SLITRK3: variants seen among roughly 807,000 people sequenced by gnomAD.
SLITRK3 encodes SLIT and NTRK like family member 3.
A neutral mutation model predicts 63.6 loss-of-function variants in SLITRK3; 16 were observed. The observed-to-expected ratio is 0.25, with a 90% CI of 0.17 to 0.38. The LOEUF (loss-of-function observed/expected upper bound fraction) is 0.38, where lower values mean the gene tolerates loss of function less well. Among genes scored for constraint, SLITRK3 ranks in the 10% least tolerant of loss-of-function variants. The probability of loss-of-function intolerance (pLI) is 1.00; values close to 1 mark genes in which losing one functional copy is unlikely to be tolerated. For synonymous variants in SLITRK3, 547 were observed against 451.6 expected (o/e 1.21, Z -2.68); for missense variants, 1,117 against 1,181.4 (o/e 0.95, Z 0.80).
At chr3:165,191,821 G>A (rs1055692315) in intron 1 of SLITRK3, among the ~76,000 whole-genome samples, 1 of 152,172 alleles carries the variant, frequency 6.6e-6, no homozygotes, top group Non-Finnish European at 1.5e-5. Flanking sequence ...TTAAAGTCAA[G>A]AGAGAGTGGA....
At chr3:165,192,404 C>A (rs189853061) in intron 1 of SLITRK3, among the ~76,000 whole-genome samples, 2 of 152,250 alleles carry the variant, frequency 1.3e-5, no homozygotes, top group Non-Finnish European at 2.9e-5. Context: ...TTAAAATCTA[C>A]TTAAGTTCTT....
chr3:165,190,964 A>C (rs974794800), intron 1 of SLITRK3, 113 bp from the exon 2 acceptor site: 19 of 701,602 alleles, frequency 2.7e-5, no homozygotes, highest in Non-Finnish European at 4.1e-5. Context: ...GCAATTGTTG[A>C]AGTGACACTC....
Position 165,190,259 on chromosome 3 carries a change from T to C in SLITRK3, c.572A>G (p.Asn191Ser). The C allele has an allele frequency of 6.2e-7, 1 of 1,614,138 alleles. No individual in the cohort carries two copies. The highest frequency in any genetic ancestry group is 8.5e-7 in the Non-Finnish European group (1 of 1,180,038). Residue 191 changes from asparagine to serine, a missense_variant, in exon 2 of 2, where the codon AAT becomes AGT. Asn to Ser is a conservative substitution (Grantham distance 46). Coordinates refer to ENST00000475390, the MANE Select transcript of SLITRK3 (RefSeq NM_001318810.2). ...NDNLIPMLPTNLFKAVSLTHL... is the reference protein window; with the variant it reads ...NDNLIPMLPTSLFKAVSLTHL... ...GGTTAAAGAGACAGCCTTAAATAAATTGGTTGGAAGCATGGGGATGAGATT... is the reference window on the plus strand; with the variant it reads ...GGTTAAAGAGACAGCCTTAAATAAACTGGTTGGAAGCATGGGGATGAGATT...
chr3:165,190,786 C>A lies in SLITRK3; in HGVS notation c.45G>T (p.Leu15Phe). The A allele has an allele frequency of 3.1e-6, 5 of 1,610,460 alleles. 1 individual carries two copies. In the East Asian group the frequency reaches 1.1e-4, roughly 36 times the overall value. ...CAATTGTGCTTAGAAGAATTATCCACAACATCCTTCCTCTGTGAAGCATCT... is the reference window on the plus strand; with the variant it reads ...CAATTGTGCTTAGAAGAATTATCCAAAACATCCTTCCTCTGTGAAGCATCT... ...IAEMLHRGRM[L>F]WIILLSTIAL... The change falls in exon 2 of 2, where the codon TTG (leucine) becomes TTT (phenylalanine). Residue 15 changes from leucine (L) to phenylalanine (F), a missense_variant. Coordinates refer to ENST00000475390, the MANE Select transcript of SLITRK3 (RefSeq NM_001318810.2).
rs1718058736 is a variant in SLITRK3 at position 165,188,669 on chromosome 3, C to T, written c.2162G>A (p.Gly721Asp). 1 of 1,614,020 alleles carries T rather than the reference C, an allele frequency of 6.2e-7. No homozygotes were observed. The highest frequency in any genetic ancestry group is 8.5e-7 in the Non-Finnish European group (1 of 1,179,982). ...DGGGGGGGSGGGGRPTLSSPE... is the reference protein window; with the variant it reads ...DGGGGGGGSGDGGRPTLSSPE... ...AGAGGAAAGAGTTGGTCGACCACCACCCCCACTTCCGCCACCACCACCTCC... is the reference window on the plus strand; with the variant it reads ...AGAGGAAAGAGTTGGTCGACCACCATCCCCACTTCCGCCACCACCACCTCC... The change falls in exon 2 of 2, where the codon GGT (glycine) becomes GAT (aspartate). Residue 721 changes from glycine (G) to aspartate (D), a missense_variant. Physicochemically the swap from Gly to Asp is moderately conservative, Grantham distance 94. Around this residue, in one of 4 missense-constraint regions of SLITRK3, gnomAD observed 499 missense variants for 463.6 expected, o/e 1.08. Transcript: ENST00000475390.
intron 1 of SLITRK3, among the ~76,000 whole-genome samples, chr3:165,192,264 G>C (rs1396560276): frequency 6.6e-6 from 1 of 152,066 alleles, no homozygotes; most frequent in Admixed American, 6.5e-5. Context: ...AGGAGATACC[G>C]TGAGAAAGCA....
upstream of SLITRK3, chr3:165,196,723 C>T (rs1217550854): frequency 1.3e-5 from 2 of 152,302 alleles, no homozygotes; most frequent in Non-Finnish European, 2.9e-5. Context: ...GCTCGGGAGC[C>T]CCCAGATCAG....
chr3:165,192,663 T>TA (rs1718277435), intron 1 of SLITRK3, among the ~76,000 whole-genome samples: 1 of 145,116 alleles, frequency 6.9e-6, no homozygotes, highest in Non-Finnish European at 1.5e-5. Context: ...CAAAAGGGGA[T>TA]AAAGGGGGTT....
rs769603480 is a variant in SLITRK3 at position 165,189,162 on chromosome 3, T to C, written c.1669A>G (p.Ile557Val). Reference sequence around the variant, plus strand: ...TCCCAAGGATTCTCATTGAGGTCTATCTGGACAATGGCATTCAAGTGTTCC... The same window carrying C: ...TCCCAAGGATTCTCATTGAGGTCTACCTGGACAATGGCATTCAAGTGTTCC... ...VLEHLNAIVQIDLNENPWDCT... is the reference protein window; with the variant it reads ...VLEHLNAIVQVDLNENPWDCT... The change falls in exon 2 of 2, where the codon ATA (isoleucine) becomes GTA (valine). Residue 557 changes from isoleucine to valine, a missense_variant. By Grantham distance (29) the Ile-to-Val change is conservative. Coordinates refer to ENST00000475390, the MANE Select transcript of SLITRK3 (RefSeq NM_001318810.2). The surrounding 1 kb of genome is among the most constrained non-coding windows in gnomAD (Gnocchi z 4.0). 6.2e-7 allele frequency: 1 copy of C among 1,614,162 alleles called. No individual in the cohort carries two copies. Among genetic ancestry groups the C allele is most frequent in the South Asian group, 1.1e-5 (1 of 91,082 alleles).
Position 165,190,797 on chromosome 3 carries a change from C to T in SLITRK3, c.34G>A (p.Gly12Arg), listed in dbSNP as rs1361478048. Residue 12 changes from glycine to arginine, a missense_variant, in exon 2 of 2, where the codon GGA (glycine) becomes AGA (arginine). By Grantham distance (125) the Gly-to-Arg change is moderately radical (BLOSUM62 -2). Transcript: ENST00000475390. ...AGAAGAATTATCCACAACATCCTTC[C>T]TCTGTGAAGCATCTCAGCTATGGAA... ...KPSIAEMLHRGRMLWIILLST... is the reference protein window; with the variant it reads ...KPSIAEMLHRRRMLWIILLST... 4.4e-6 allele frequency: 7 copies of T among 1,604,044 alleles called. No individual in the cohort carries two copies. The South Asian group carries it at 6.7e-5, about 15-fold the overall frequency.
rs750913637 is a variant in SLITRK3 at position 165,189,360 on chromosome 3, C to A, written c.1471G>T (p.Val491Phe). The change falls in exon 2 of 2, where the codon GTC becomes TTC. Residue 491 changes from valine to phenylalanine, a missense_variant. Around this residue, in one of 4 missense-constraint regions of SLITRK3, gnomAD observed 158 missense variants for 197.2 expected, o/e 0.80. Transcript: ENST00000475390. This position sits in a 1 kb window ranked among gnomAD's most constrained non-coding sequence, Gnocchi z 4.0. The part of the protein sequence containing the change: ...SLHYLYFEFN[V>F]IREIQPAAFS... The stretch of plus-strand genomic sequence containing the variant: ...GCTGCAGGCTGGATTTCCCGGATGA[C>A]ATTGAACTCAAAGTACAAGTAGTGC... 1 of 1,614,136 alleles carries A rather than the reference C, an allele frequency of 6.2e-7. No individual in the cohort carries two copies. The highest frequency in any genetic ancestry group is 2.2e-5 in the East Asian group (1 of 44,876).
rs767614899 is a variant in SLITRK3 at position 165,189,749 on chromosome 3, G to A, written c.1082C>T (p.Ala361Val). ...GATTGGTGGTCTGGTCTGATAAGGA[G>A]CAATGGGAGGCTGGTTTGGACCAGG... ...LYPGPNQPPI[A>V]PYQTRPPIPI... The change falls in exon 2 of 2, where the codon GCT (alanine) becomes GTT (valine). Residue 361 changes from alanine to valine, a missense_variant. Around this residue, in one of 4 missense-constraint regions of SLITRK3, gnomAD observed 452 missense variants for 495.3 expected, o/e 0.91. Transcript: ENST00000475390. The surrounding 1 kb of genome is among the most constrained non-coding windows in gnomAD (Gnocchi z 4.0). The A allele has an allele frequency of 1.2e-6, 2 of 1,614,200 alleles. No homozygotes were observed. Among genetic ancestry groups the A allele is most frequent in the Non-Finnish European group, 1.7e-6 (2 of 1,180,038 alleles).
intron 1 of SLITRK3, 87 bp from the exon 2 acceptor site, chr3:165,190,938 C>T: frequency 1.0e-6 from 1 of 963,162 alleles, no homozygotes; most frequent in South Asian, 2.0e-5. Context: ...ATTTTAAGAG[C>T]TATATAAAAA....
rs1047541008 is a variant in SLITRK3, at chr3:165,195,897, C to T, written c.-339G>A. The T allele has an allele frequency of 3.3e-5, 5 of 152,654 alleles. No homozygotes were observed. Among genetic ancestry groups the T allele is most frequent in the African/African-American group, 1.2e-4 (5 of 41,438 alleles). The allele number at this position is 152,654 out of a possible 1,614,324, so 9.5% of individuals were successfully genotyped here. A position where few individuals can be genotyped will look rare whatever the true frequency, so the allele number is the denominator to read the frequency against. ...CCTCGATGGTTGGTAGGCAGGCAGGCAGAGTGAGTGTCCCAGGACTAGGTT... is the reference window on the plus strand; with the variant it reads ...CCTCGATGGTTGGTAGGCAGGCAGGTAGAGTGAGTGTCCCAGGACTAGGTT... On this transcript the variant is annotated 5_prime_UTR_variant, in exon 1 of 2. Transcript: ENST00000475390.
chr3:165,189,769 A>G lies in SLITRK3; in HGVS notation c.1062T>C (p.Gly354=). The part of the protein sequence containing the change: ...PPSTSQALYP[G]PNQPPIAPYQ... ...AAGGAGCAATGGGAGGCTGGTTTGG[A>G]CCAGGATATAAAGCTTGGGAGGTGG... The change falls in exon 2 of 2, where the codon GGT becomes GGC. Residue 354 remains glycine, a synonymous_variant. Transcript: ENST00000475390. This position sits in a 1 kb window ranked among gnomAD's most constrained non-coding sequence, Gnocchi z 4.0. 6.2e-7 allele frequency: 1 copy of G among 1,614,110 alleles called. No individual in the cohort carries two copies. The highest frequency in any genetic ancestry group is 8.5e-7 in the Non-Finnish European group (1 of 1,180,028).
intron 1 of SLITRK3, among the ~76,000 whole-genome samples, chr3:165,192,407 A>G (rs3792426): frequency 0.46 from 70,381 of 151,994 alleles, 17,724 homozygotes; most frequent in Non-Finnish European, 0.57. Flanking sequence ...AAATCTACTT[A>G]AGTTCTTTCT....
intron 1 of SLITRK3, among the ~76,000 whole-genome samples, chr3:165,194,151 CGGGAG>C (rs1243010792): frequency 1.3e-5 from 2 of 152,070 alleles, no homozygotes; most frequent in Non-Finnish European, 2.9e-5. Context: ...AACTCCTCGC[CGGGAG>C]GGGAGAAGGC....
Position 165,190,814 on chromosome 3 carries a change from G to C in SLITRK3, c.17C>G (p.Ala6Gly). The C allele has an allele frequency of 6.3e-7, 1 of 1,583,144 alleles. No individual in the cohort carries two copies. The highest frequency in any genetic ancestry group is 8.6e-7 in the Non-Finnish European group (1 of 1,166,662). The change falls in exon 2 of 2, where the codon GCT (alanine) becomes GGT (glycine). Residue 6 changes from alanine to glycine, a missense_variant. By Grantham distance (60) the Ala-to-Gly change is moderately conservative (BLOSUM62 0). Transcript: ENST00000475390. ...CATCCTTCCTCTGTGAAGCATCTCA[G>C]CTATGGAAGGTTTCATCGTTCGTGG... The part of the protein sequence containing the change: MKPSI[A>G]EMLHRGRMLW...
chr3:165,190,889 G>C, intron 1 of SLITRK3, 38 bp from the exon 2 acceptor site: 1 of 1,437,698 alleles, frequency 7.0e-7, no homozygotes, highest in Non-Finnish European at 9.3e-7. Context: ...TTAGCTTTTA[G>C]TCATATGTAC....
Sources: allele counts gnomAD v4.1 joint callset (sites outside exome capture counted in the v4.1 genomes callset), GRCh38; gene constraint gnomAD v4.1.1; regional missense constraint gnomAD v4.1.1; non-coding constraint Gnocchi (gnomAD v3.1); transcripts MANE v1.5; gene names NCBI Gene and HGNC (gene_info 2026-07-23, HGNC 2026-07-21).